Variants in FAT3 observed in about 807,000 individuals in gnomAD.
FAT3 encodes FAT atypical cadherin 3.
In FAT3, 95 loss-of-function variants were observed where a neutral mutation model predicts 310.2. The ratio of observed to expected loss-of-function variants is 0.31; its 90% CI spans 0.26 to 0.36. The LOEUF is 0.36. FAT3 is among the 10% of genes least tolerant of loss of function. FAT3 has a pLI of 1.00. For synonymous variants in FAT3, 2,314 were observed against 2,192.9 expected (o/e 1.06, Z -1.54); for missense variants, 5,408 against 5,715.6 (o/e 0.95, Z 1.74).
chr11:92,344,940 G>A (rs2134598809), intron 1 of FAT3, among the ~76,000 whole-genome samples: 1 of 152,266 alleles, frequency 6.6e-6, no homozygotes, highest in East Asian at 1.9e-4. Flanking sequence ...AGGTGACTCA[G>A]GATGGGAGAT....
At position 92,805,410 on chromosome 11, in the gene FAT3, A is replaced by G. The variant is rs1456012322; in HGVS notation, c.9093+61A>G. 15 of 1,507,520 alleles carry G rather than the reference A, an allele frequency of 1.0e-5. No homozygotes were observed. The South Asian group carries it at 1.2e-4, about 12-fold the overall frequency. 93.4% of individuals were successfully genotyped at this position (1,507,520 alleles called of 1,614,324 possible). On this transcript the variant is annotated intron_variant, in intron 11 of 27. Coordinates refer to ENST00000525166, the MANE Select transcript of FAT3 (RefSeq NM_001367949.2). ...CTTCTCCAAAATAAAATAAAAACCCATTTCACTTTTCTTCTTAAGGCCAGG... is the reference window on the plus strand; with the variant it reads ...CTTCTCCAAAATAAAATAAAAACCCGTTTCACTTTTCTTCTTAAGGCCAGG...
intron 3 of FAT3, among the ~76,000 whole-genome samples, chr11:92,634,083 T>C (rs1270734858): frequency 6.6e-6 from 1 of 152,188 alleles, no homozygotes; most frequent in Non-Finnish European, 1.5e-5. Flanking sequence ...GGTTATGTTA[T>C]AAGCAGCGAT....
At chr11:92,244,081 G>T (rs1361920322) in intron 1 of FAT3, among the ~76,000 whole-genome samples, 1 of 151,948 alleles carries the variant, frequency 6.6e-6, no homozygotes, top group Admixed American at 6.6e-5. Flanking sequence ...TCTTTTTTGT[G>T]TGGGTATTTA....
chr11:92,762,139 A>G lies in FAT3; in HGVS notation c.3953A>G (p.Gln1318Arg). 6.2e-7 allele frequency: 1 copy of G among 1,613,052 alleles called. No homozygotes were observed. The part of the protein sequence containing the change: ...PKTGMVSSRK[Q>R]FTAGSYDILT... ...ACTGGGATGGTTTCTTCTAGAAAGC[A>G]GTTTACAGCAGGCAGTTATGACATC... is the stretch of plus-strand genomic sequence containing the variant. The change falls in exon 5 of 28, where the codon CAG (glutamine) becomes CGG (arginine). Residue 1318 changes from glutamine (Q) to arginine (R), a missense_variant. Coordinates refer to ENST00000525166, the MANE Select transcript of FAT3 (RefSeq NM_001367949.2).
At chr11:92,526,341 A>G (rs1953861478) in intron 3 of FAT3, among the ~76,000 whole-genome samples, 1 of 152,062 alleles carries the variant, frequency 6.6e-6, no homozygotes, top group Non-Finnish European at 1.5e-5. Context: ...GGAGAGAGAG[A>G]ACAAAAACAA....
At chr11:92,591,347 G>C in intron 3 of FAT3, among the ~76,000 whole-genome samples, 1 of 152,130 alleles carries the variant, frequency 6.6e-6, no homozygotes, top group South Asian at 2.1e-4. Context: ...CATTGGATTG[G>C]TTTCCTCGGT....
rs368614761 is a variant in FAT3 at position 92,789,996 on chromosome 11, G to A, written c.4389G>A (p.Pro1463=). The A allele has an allele frequency of 2.6e-5, 42 of 1,613,622 alleles. No homozygotes were observed. Among genetic ancestry groups the A allele is most frequent in the Admixed American group, 5.0e-5 (3 of 59,966 alleles). Residue 1463 remains proline, a synonymous_variant, in exon 8 of 28, where the codon CCG becomes CCA. Transcript: ENST00000525166. ...NNDNGPEFSQ[P]NYDVTISEDV... is the part of the protein sequence containing the mutation. ...ATAATGGCCCAGAATTCTCTCAGCC[G>A]AATTACGATGTGACAATTTCCGAGG...
chr11:92,465,231 G>A (rs1319909533), intron 2 of FAT3, among the ~76,000 whole-genome samples: 1 of 152,158 alleles, frequency 6.6e-6, no homozygotes, highest in Non-Finnish European at 1.5e-5. Context: ...AAAGCTAATG[G>A]AATTGCATTT....
intron 3 of FAT3, among the ~76,000 whole-genome samples, chr11:92,684,588 G>T (rs1284195696): frequency 6.6e-6 from 1 of 152,060 alleles, no homozygotes; most frequent in East Asian, 1.9e-4. Context: ...ACCAGTTCAG[G>T]GCACAAATTT....
chr11:92,544,462 T>C (rs1954553247), intron 3 of FAT3, among the ~76,000 whole-genome samples: 1 of 152,106 alleles, frequency 6.6e-6, no homozygotes, highest in African/African-American at 2.4e-5. Flanking sequence ...AATTATCTCA[T>C]GTACTCTGAA....
At chr11:92,656,965 A>G (rs1458310) in intron 3 of FAT3, among the ~76,000 whole-genome samples, 1 of 143,222 alleles carries the variant, frequency 7.0e-6, no homozygotes, top group Non-Finnish European at 1.5e-5. Context: ...GTGTTAGGGG[A>G]GGGGGTGCAG....
chr11:92,406,317 C>T (rs145189799), intron 2 of FAT3, among the ~76,000 whole-genome samples: 7 of 152,236 alleles, frequency 4.6e-5, no homozygotes, highest in Non-Finnish European at 8.8e-5. Flanking sequence ...TTGTCTTGCT[C>T]TCTGGGAAAT....
chr11:92,348,003 G>T (rs61901528), intron 1 of FAT3, among the ~76,000 whole-genome samples: 3 of 152,034 alleles, frequency 2.0e-5, no homozygotes, highest in African/African-American at 7.2e-5. Context: ...ATGCTAAAAA[G>T]AAAAGAAGAC....
chr11:92,721,163 C>T (rs1791570), intron 4 of FAT3, among the ~76,000 whole-genome samples: 51,208 of 151,988 alleles, frequency 0.34, 8,990 homozygotes, highest in African/African-American at 0.39. Flanking sequence ...GTTTGTTTAG[C>T]AACAATGTAC....
At chr11:92,665,398 T>G (rs1231376596) in intron 3 of FAT3, among the ~76,000 whole-genome samples, 1 of 152,254 alleles carries the variant, frequency 6.6e-6, no homozygotes, top group Non-Finnish European at 1.5e-5. Context: ...CATGTTCATC[T>G]GGTTCTGTTG....
chr11:92,593,204 A>G (rs1186967832), intron 3 of FAT3, among the ~76,000 whole-genome samples: 1 of 151,874 alleles, frequency 6.6e-6, no homozygotes, highest in African/African-American at 2.4e-5. Context: ...TTATCCATTC[A>G]TCTGTCCATA....
intron 4 of FAT3, among the ~76,000 whole-genome samples, chr11:92,749,687 G>A (rs1945777191): frequency 6.6e-6 from 1 of 152,186 alleles, no homozygotes; most frequent in Non-Finnish European, 1.5e-5. Context: ...CTCTACCTAT[G>A]TGGTGACCAG....
intron 1 of FAT3, among the ~76,000 whole-genome samples, chr11:92,340,932 A>G (rs1257946461): frequency 6.6e-6 from 1 of 152,048 alleles, no homozygotes; most frequent in Non-Finnish European, 1.5e-5. Flanking sequence ...ATTTGCGGAG[A>G]TCCGGAAGAC....
chr11:92,683,951 C>T (rs1281043473), intron 3 of FAT3, among the ~76,000 whole-genome samples: 2 of 152,244 alleles, frequency 1.3e-5, no homozygotes, highest in African/African-American at 2.4e-5. Flanking sequence ...AAACCCGGCA[C>T]GAGTTCCATG....
Sources: allele counts gnomAD v4.1 joint callset (sites outside exome capture counted in the v4.1 genomes callset), GRCh38; gene constraint gnomAD v4.1.1; transcripts MANE v1.5; gene names NCBI Gene and HGNC (gene_info 2026-07-23, HGNC 2026-07-21).